CHST11: variants seen among roughly 807,000 people sequenced by gnomAD.
CHST11 encodes carbohydrate sulfotransferase 11.
CHST11 carries 9 observed loss-of-function variants against 30.4 expected under a neutral mutation model. The observed-to-expected ratio is 0.30, with a 90% confidence interval of 0.18 to 0.52. The LOEUF is 0.52. CHST11 is among the 20% of genes least tolerant of loss of function. CHST11 has a pLI of 0.97. For synonymous variants in CHST11, 152 were observed against 187.8 expected (o/e 0.81, Z 1.56); for missense variants, 348 against 460.6 (o/e 0.76, Z 2.24).
intron 2 of CHST11, among the ~76,000 whole-genome samples, chr12:104,646,735 T>C (rs923964197): frequency 1.3e-5 from 2 of 152,124 alleles, no homozygotes; most frequent in African/African-American, 2.4e-5. Context: ...TTTGCACCCC[T>C]CTCCCGTCCC....
chr12:104,475,688 A>ATATATATAATATATATT (rs1555226434), intron 1 of CHST11, among the ~76,000 whole-genome samples: 3 of 78,466 alleles, frequency 3.8e-5, no homozygotes, highest in Non-Finnish European at 8.7e-5. Context: ...ATATATATAT[A>ATATATATAATATATATT]TATTTCTGAT....
chr12:104,625,756 G>T (rs2039208469), intron 2 of CHST11, among the ~76,000 whole-genome samples: 1 of 152,224 alleles, frequency 6.6e-6, no homozygotes, highest in African/African-American at 2.4e-5. Flanking sequence ...CTGTGATTTT[G>T]TGTCAGAGTG....
intron 2 of CHST11, among the ~76,000 whole-genome samples, chr12:104,660,760 C>T (rs2039591844): frequency 6.6e-6 from 1 of 152,148 alleles, no homozygotes; most frequent in African/African-American, 2.4e-5. Context: ...TCCTCTTTGA[C>T]CTTACATTTA....
Position 104,660,160 on chromosome 12 carries a change from C to G in CHST11, c.204+58169C>G, listed in dbSNP as rs116453127. On this transcript the variant is annotated intron_variant, in intron 2 of 2. Transcript: ENST00000303694. ...TATCGCTGTATCCCAGCACCTAGCC[C>G]AGATCCTGGCTTTACAGTAGATGCT... 2.1e-3 allele frequency among the ~76,000 whole-genome samples: 318 copies of G among 152,346 alleles called. 2 individuals are homozygous for G. The highest frequency in any genetic ancestry group is 7.3e-3 in the African/African-American group (303 of 41,576).
At chr12:104,480,730 A>G (rs530155720) in intron 1 of CHST11, among the ~76,000 whole-genome samples, 12 of 152,328 alleles carry the variant, frequency 7.9e-5, no homozygotes, top group Non-Finnish European at 1.5e-4. Flanking sequence ...TGATGCTGCC[A>G]TGAGCCAAGG....
chr12:104,557,500 G>A (rs539987952), intron 1 of CHST11, among the ~76,000 whole-genome samples: 1 of 152,198 alleles, frequency 6.6e-6, no homozygotes, highest in East Asian at 1.9e-4. Context: ...GAGAAGGGGG[G>A]CACCGGCCTG....
intron 2 of CHST11, among the ~76,000 whole-genome samples, chr12:104,656,855 C>T (rs1014597055): frequency 6.6e-6 from 1 of 152,010 alleles, no homozygotes. Context: ...TTTCAATGAC[C>T]CCATCTAGGT....
chr12:104,717,990 G>T (rs2040144765), intron 2 of CHST11, among the ~76,000 whole-genome samples: 1 of 152,134 alleles, frequency 6.6e-6, no homozygotes, highest in South Asian at 2.1e-4. Context: ...AAAAGTAAAA[G>T]ACAATAGGGC....
chr12:104,598,416 A>G (rs919957212), intron 1 of CHST11, among the ~76,000 whole-genome samples: 1 of 152,188 alleles, frequency 6.6e-6, no homozygotes, highest in Non-Finnish European at 1.5e-5. Context: ...TCTGAGGTAG[A>G]TGGAGCCAGG....
intron 2 of CHST11, among the ~76,000 whole-genome samples, chr12:104,694,349 T>A (rs1262479199): frequency 6.6e-6 from 1 of 152,236 alleles, no homozygotes; most frequent in Non-Finnish European, 1.5e-5. Flanking sequence ...TTCTCAGGGC[T>A]GCTGTTAGCT....
chr12:104,666,631 C>G (rs1346270713), intron 2 of CHST11, among the ~76,000 whole-genome samples: 1 of 152,068 alleles, frequency 6.6e-6, no homozygotes, highest in East Asian at 1.9e-4. Context: ...ATTCAGTATC[C>G]AAGGCTCCAC....
chr12:104,612,019 C>A (rs988651150), intron 2 of CHST11, among the ~76,000 whole-genome samples: 5 of 152,188 alleles, frequency 3.3e-5, no homozygotes, highest in African/African-American at 1.2e-4. Flanking sequence ...CCACACTCAG[C>A]CCTGTTTCTC....
chr12:104,474,830 A>G (rs911127815), intron 1 of CHST11, among the ~76,000 whole-genome samples: 2 of 152,172 alleles, frequency 1.3e-5, no homozygotes, highest in African/African-American at 2.4e-5. Flanking sequence ...GTTACTAACA[A>G]TGTAGATGTT....
chr12:104,661,176 C>T (rs541481147), intron 2 of CHST11, among the ~76,000 whole-genome samples: 7 of 152,228 alleles, frequency 4.6e-5, no homozygotes, highest in Admixed American at 2.0e-4. Context: ...TCCATAAAAA[C>T]GGAAGGAGTA....
intron 2 of CHST11, among the ~76,000 whole-genome samples, chr12:104,704,291 C>T (rs1480978943): frequency 6.6e-6 from 1 of 152,178 alleles, no homozygotes; most frequent in Non-Finnish European, 1.5e-5. Context: ...TCAGGGAGAC[C>T]CAGGAAGGCC....
rs940009483 is a variant in CHST11, at chr12:104,605,474, G to A, written c.204+3483G>A. 3.9e-5 allele frequency among the ~76,000 whole-genome samples: 6 copies of A among 152,336 alleles called. 1 individual carries two copies. The highest frequency in any genetic ancestry group is 1.9e-4 in the East Asian group (1 of 5,186). ...GGCGCCTACAGTCCCAGCTTCTCCG[G>A]AGGCTGAGGCAGGAGAATGGCGTGA... is the stretch of plus-strand genomic sequence containing the variant. On this transcript the variant is annotated intron_variant, in intron 2 of 2. Transcript: ENST00000303694.
intron 2 of CHST11, among the ~76,000 whole-genome samples, chr12:104,650,628 G>A (rs535451909): frequency 6.6e-6 from 1 of 152,308 alleles, no homozygotes; most frequent in Admixed American, 6.5e-5. Flanking sequence ...GGGGTGGGCA[G>A]CCCATGTGTT....
chr12:104,732,533 G>A (rs184165708), intron 2 of CHST11, among the ~76,000 whole-genome samples: 15 of 152,242 alleles, frequency 9.9e-5, no homozygotes, highest in East Asian at 5.8e-4. Flanking sequence ...GTCTCCTCAC[G>A]TCTCTTCTCC....
chr12:104,705,533 G>T (rs1333364372), intron 2 of CHST11, among the ~76,000 whole-genome samples: 1 of 152,176 alleles, frequency 6.6e-6, no homozygotes, highest in Non-Finnish European at 1.5e-5. Context: ...CCCTTGTGGT[G>T]CTCACACTCT....
Sources: allele counts gnomAD v4.1 joint callset (sites outside exome capture counted in the v4.1 genomes callset), GRCh38; gene constraint gnomAD v4.1.1; transcripts MANE v1.5; gene names NCBI Gene and HGNC (gene_info 2026-07-23, HGNC 2026-07-21).